The following CNIH3 variants were observed in gnomAD, a reference collection of about 807,000 sequenced individuals.
CNIH3 encodes the protein protein cornichon homolog 3.
Under a neutral mutation model 24.1 loss-of-function variants are expected in CNIH3, and 14 were observed. The observed-to-expected ratio is 0.58, with a 90% CI of 0.38 to 0.91. The LOEUF is 0.91. Among genes scored for constraint, CNIH3 ranks in the 40% least tolerant of loss-of-function variants. CNIH3 has a pLI of 0.00. For synonymous variants in CNIH3, 68 were observed against 73.8 expected, an observed-to-expected ratio of 0.92 and a Z score of 0.40; for missense variants, 178 against 196.8, an observed-to-expected ratio of 0.90 and a Z score of 0.57.
intron 1 of CNIH3, among the ~76,000 whole-genome samples, chr1:224,680,056 G>A (rs776222806): frequency 2.0e-5 from 3 of 152,048 alleles, no homozygotes; most frequent in African/African-American, 4.8e-5. Flanking sequence ...TGATCCAACC[G>A]CCTCGGCCTC....
intron 3 of CNIH3, among the ~76,000 whole-genome samples, chr1:224,563,458 GGGGTGT>G (rs891818304): frequency 1.8e-5 from 2 of 113,274 alleles, no homozygotes; most frequent in African/African-American, 8.3e-5. Context: ...TATTTTAGAC[GGGGTGT>G]GTGTGTGTGT....
chr1:224,569,605 T>A (rs1680731768), intron 4 of CNIH3, among the ~76,000 whole-genome samples: 1 of 152,164 alleles, frequency 6.6e-6, no homozygotes. Flanking sequence ...TATTTCTAAT[T>A]ATTTTTCAAG....
At chr1:224,724,946 C>T (rs927608202) in intron 3 of CNIH3, among the ~76,000 whole-genome samples, 3 of 152,184 alleles carry the variant, frequency 2.0e-5, no homozygotes, top group Non-Finnish European at 2.9e-5. Context: ...CATGGTGGCT[C>T]ATGCCTGCAA....
chr1:224,708,966 A>C (rs1687978918), intron 3 of CNIH3, among the ~76,000 whole-genome samples: 1 of 152,260 alleles, frequency 6.6e-6, no homozygotes. Flanking sequence ...GAAAAAAACA[A>C]AACAAAACAG....
At chr1:224,642,428 CTA>C (rs1684406803) in intron 1 of CNIH3, among the ~76,000 whole-genome samples, 1 of 152,158 alleles carries the variant, frequency 6.6e-6, no homozygotes. Flanking sequence ...AGGAATCTCC[CTA>C]TGTTACCCAG....
intron 5 of CNIH3, among the ~76,000 whole-genome samples, chr1:224,738,860 C>T (rs937938184): frequency 2.0e-5 from 3 of 152,108 alleles, no homozygotes; most frequent in Non-Finnish European, 4.4e-5. Context: ...TATGTTCCCA[C>T]GCTGGCCTTT....
At chr1:224,595,574 A>C (rs1263547965) in intron 3 of CNIH3, among the ~76,000 whole-genome samples, 2 of 152,196 alleles carry the variant, frequency 1.3e-5, no homozygotes. Flanking sequence ...TGGTCAAGTG[A>C]AAGAAGAGTT....
chr1:224,505,879 G>T (rs1027776158), intron 1 of CNIH3, among the ~76,000 whole-genome samples: 1 of 152,202 alleles, frequency 6.6e-6, no homozygotes, highest in African/African-American at 2.4e-5. Context: ...AAAGTCCTTT[G>T]AACAAGCCAA....
chr1:224,730,555 C>G lies in CNIH3; in HGVS notation c.292C>G (p.Leu98Val). ...WLTLGLNVPLLFYHFWRYFHC... is the reference protein window; with the variant it reads ...WLTLGLNVPLVFYHFWRYFHC... ...CACGCTGGGGCTGAATGTCCCTCTA[C>G]TTTTCTATCACTTCTGGAGGTAAGT... is the stretch of plus-strand genomic sequence containing the variant. The change falls in exon 4 of 6, where the codon CTT becomes GTT. Residue 98 changes from leucine to valine, a missense_variant. Leu to Val is a conservative substitution (Grantham distance 32). Transcript: ENST00000272133. 6.4e-7 allele frequency: 1 copy of G among 1,554,462 alleles called. No homozygotes were observed. Among genetic ancestry groups the G allele is most frequent in the South Asian group, 1.2e-5 (1 of 84,320 alleles).
chr1:224,452,504 G>A (rs1479273637), intron 1 of CNIH3, among the ~76,000 whole-genome samples: 1 of 151,828 alleles, frequency 6.6e-6, no homozygotes, highest in East Asian at 2.0e-4. Flanking sequence ...AGTGTTGGCC[G>A]GGCACGGTGG....
chr1:224,622,021 C>G lies in CNIH3; in HGVS notation c.81+4766C>G, dbSNP rs188909909. 1.4e-3 allele frequency among the ~76,000 whole-genome samples: 208 copies of G among 152,276 alleles called. 1 individual carries two copies. The highest frequency in any genetic ancestry group is 1.5e-3 in the Non-Finnish European group (101 of 68,024). On this transcript the variant is annotated intron_variant, in intron 1 of 5. Transcript: ENST00000272133. ...CTTGCTTGCCGCCATGTAAGACATG[C>G]CTTTGCTCCTCCTTCACCTTCTGCC...
intron 1 of CNIH3, among the ~76,000 whole-genome samples, chr1:224,501,459 A>G (rs1332615825): frequency 6.6e-6 from 1 of 151,578 alleles, no homozygotes; most frequent in African/African-American, 2.4e-5. Flanking sequence ...ATATAAGCGA[A>G]TTGCCCAAGG....
intron 1 of CNIH3, among the ~76,000 whole-genome samples, chr1:224,456,521 C>T (rs112245545): frequency 6.6e-6 from 1 of 152,210 alleles, no homozygotes; most frequent in South Asian, 2.1e-4. Context: ...AGCCATCCTC[C>T]CACCTCAGCT....
At chr1:224,566,106 A>C (rs1341829025) in intron 3 of CNIH3, 2 of 151,938 alleles carry the variant, frequency 1.3e-5, no homozygotes, top group Non-Finnish European at 2.9e-5. Context: ...AAACAATAGA[A>C]TTTGATTATC....
downstream of CNIH3, among the ~76,000 whole-genome samples, chr1:224,541,347 G>A (rs1247545225): frequency 6.6e-6 from 1 of 151,928 alleles, no homozygotes; most frequent in East Asian, 1.9e-4. Flanking sequence ...TCCTCATATG[G>A]TTGTATCACT....
intron 1 of CNIH3, among the ~76,000 whole-genome samples, chr1:224,446,302 A>G (rs868416026): frequency 9.9e-5 from 15 of 151,584 alleles, no homozygotes; most frequent in Admixed American, 6.6e-5. Context: ...TTTCCACAAA[A>G]CAATTTGTCA....
chr1:224,655,750 G>A (rs992248940), intron 1 of CNIH3, among the ~76,000 whole-genome samples: 8 of 152,212 alleles, frequency 5.3e-5, no homozygotes, highest in Non-Finnish European at 1.0e-4. Context: ...TTTTATTAGG[G>A]TGACATCAGT....
chr1:224,556,491 C>G (rs1409823949), intron 3 of CNIH3, among the ~76,000 whole-genome samples: 2 of 152,126 alleles, frequency 1.3e-5, no homozygotes, highest in African/African-American at 4.8e-5. Flanking sequence ...TTTGCTGGAC[C>G]CTCTAGGCCA....
At chr1:224,496,888 A>G (rs1043305391) in intron 1 of CNIH3, among the ~76,000 whole-genome samples, 11 of 152,390 alleles carry the variant, frequency 7.2e-5, no homozygotes, top group Non-Finnish European at 2.9e-5. Context: ...TCCCAAGGTA[A>G]TTGAAAACAT....
Sources: allele counts gnomAD v4.1 joint callset (sites outside exome capture counted in the v4.1 genomes callset), GRCh38; gene constraint gnomAD v4.1.1; transcripts MANE v1.5; gene names NCBI Gene and HGNC (gene_info 2026-07-23, HGNC 2026-07-21).